The following RPE variants were observed in gnomAD, a reference collection of about 807,000 sequenced individuals.
RPE encodes the protein ribulose-5-phosphate-3-epimerase, also known as ribulose-phosphate 3-epimerase.
RPE carries 16 observed loss-of-function variants against 24.6 expected under a neutral mutation model. The ratio of observed to expected loss-of-function variants is 0.65; its 90% CI spans 0.44 to 0.99. The LOEUF is 0.99. Among genes scored for constraint, RPE ranks in the 50% least tolerant of loss-of-function variants. RPE has a pLI of 0.00. For synonymous variants in RPE, 93 were observed against 98.4 expected (o/e 0.94, Z 0.33); for missense variants, 240 against 294.5 (o/e 0.81, Z 1.35).
chr2:210,018,075 T>G, intron 5 of RPE: 2 of 1,387,732 alleles, frequency 1.4e-6, no homozygotes, highest in Non-Finnish European at 1.9e-6. Context: ...TCACATAAAT[T>G]GTTAAAATTG....
rs370112971 is a variant in RPE, at chr2:210,002,697, C to T, written c.36C>T (p.Leu12=). 227 of 1,614,092 alleles carry T rather than the reference C, an allele frequency of 1.4e-4. No homozygotes were observed. Among genetic ancestry groups the T allele is most frequent in the Middle Eastern group, 4.9e-4 (3 of 6,084 alleles). ...ASGCKIGPSI[L]NSDLANLGAE... is the part of the protein sequence containing the mutation. ...GCTGCAAGATTGGCCCGTCCATCCT[C>T]AACAGCGACCTGGCCAATTTAGGGG... Residue 12 remains leucine (L), a synonymous_variant, in exon 1 of 6, where the codon CTC becomes CTT. Transcript: ENST00000359429.
At position 210,020,613 on chromosome 2, in the gene RPE, G is replaced by C. The variant is rs187123450; in HGVS notation, c.*822G>C. On this transcript the variant is annotated 3_prime_UTR_variant, in exon 6 of 6. Transcript: ENST00000359429. Reference sequence around the variant, plus strand: ...GTAATTATAGCAACTGTGGGGTTCTGTTGAGAATTAAGAGCTAACACTATA... The same window carrying C: ...GTAATTATAGCAACTGTGGGGTTCTCTTGAGAATTAAGAGCTAACACTATA... The C allele has an allele frequency of 2.4e-5, 4 of 166,882 alleles. No individual in the cohort carries two copies. The South Asian group carries it at 6.2e-4, about 26-fold the overall frequency. 10.3% of individuals were successfully genotyped at this position (166,882 alleles called of 1,614,324 possible). A position where few individuals can be genotyped will look rare whatever the true frequency, so the allele number is the denominator to read the frequency against.
intron 1 of RPE, among the ~76,000 whole-genome samples, chr2:210,003,850 C>T (rs1199689561): frequency 1.3e-5 from 2 of 152,036 alleles, no homozygotes; most frequent in African/African-American, 4.8e-5. Flanking sequence ...TCTTCCATTG[C>T]TCTATGTGGT....
At position 210,019,803 on chromosome 2, in the gene RPE, G is replaced by C. The variant is rs760155889; in HGVS notation, c.*12G>C. ...CTCTTGATCGGTGAAACCATAAGGA[G>C]CCCAGTGTTCCTGTTCATGAAATCT... On this transcript the variant is annotated 3_prime_UTR_variant, in exon 6 of 6. Coordinates refer to ENST00000359429, the MANE Select transcript of RPE (RefSeq NM_199229.3). 3 of 1,609,148 alleles carry C rather than the reference G, an allele frequency of 1.9e-6. No individual in the cohort carries two copies. Among genetic ancestry groups the C allele is most frequent in the Middle Eastern group, 1.7e-4 (1 of 6,060 alleles).
At chr2:210,003,542 G>A in intron 1 of RPE, 1 of 938,664 alleles carries the variant, frequency 1.1e-6, no homozygotes, top group Non-Finnish European at 1.5e-6. Context: ...TCTGAAGTTG[G>A]TTACAGAATG....
chr2:210,017,617 C>T, intron 5 of RPE, 58 bp downstream of exon 5: 1 of 1,488,948 alleles, frequency 6.7e-7, no homozygotes. Context: ...GTCTCCAGGA[C>T]ATTGTCTCAT....
At chr2:210,005,153 GTC>G in intron 1 of RPE, among the ~76,000 whole-genome samples, 1 of 152,244 alleles carries the variant, frequency 6.6e-6, no homozygotes, top group Non-Finnish European at 1.5e-5. Context: ...GTGCTGTGGT[GTC>G]TACTAGGCTA....
intron 1 of RPE, among the ~76,000 whole-genome samples, chr2:210,005,712 C>A (rs1373672266): frequency 6.6e-6 from 1 of 152,056 alleles, no homozygotes; most frequent in Non-Finnish European, 1.5e-5. Context: ...CTGACAGGGG[C>A]AGCCTCACCT....
rs376308620 is a variant in RPE, at chr2:210,016,137, T to C, written c.342+25T>C. On this transcript the variant is annotated intron_variant, in intron 3 of 5. Transcript: ENST00000359429. Reference sequence around the variant, plus strand: ...GGTAAGAAATCGTGATGAGAGTGTTTTGTAACATTCACTCTCAGTTGGGAA... The same window carrying C: ...GGTAAGAAATCGTGATGAGAGTGTTCTGTAACATTCACTCTCAGTTGGGAA... 20 of 1,614,032 alleles carry C rather than the reference T, an allele frequency of 1.2e-5. No homozygotes were observed. In the African/African-American group the frequency reaches 2.1e-4, roughly 17 times the overall value.
In RPE at chr2:210,015,947, T is replaced by C. The variant is rs141252478; in HGVS notation, c.203-26T>C. The C allele has an allele frequency of 1.7e-4, 275 of 1,606,488 alleles. No individual in the cohort carries two copies. The African/African-American group carries it at 3.4e-3, about 20-fold the overall frequency. On this transcript the variant is annotated intron_variant, in intron 2 of 5. Transcript: ENST00000359429. ...ACATGAGCCAGGTATTTTTCAGTAA[T>C]ATTTTGAAGTGTCTTTTCTTTCTAG... is the stretch of plus-strand genomic sequence containing the variant.
Position 210,020,005 on chromosome 2 carries a change from A to G in RPE, c.*214A>G. 2 of 439,178 alleles carry G rather than the reference A, an allele frequency of 4.6e-6. No individual in the cohort carries two copies. The highest frequency in any genetic ancestry group is 9.4e-5 in the South Asian group (2 of 21,306). 27.2% of individuals were successfully genotyped at this position (439,178 alleles called of 1,614,324 possible). On this transcript the variant is annotated 3_prime_UTR_variant, in exon 6 of 6. Transcript: ENST00000359429. ...TAGTGATGCAATTTATTGATTAGTGAGTAAGATACTGTTTTTATTGAGAGA... is the reference window on the plus strand; with the variant it reads ...TAGTGATGCAATTTATTGATTAGTGGGTAAGATACTGTTTTTATTGAGAGA...
intron 2 of RPE, among the ~76,000 whole-genome samples, chr2:210,014,935 A>G (rs762258327): frequency 4.6e-5 from 7 of 152,180 alleles, no homozygotes; most frequent in Admixed American, 1.3e-4. Context: ...TCTCCTTCTT[A>G]TGAAATGCTA....
At position 210,019,708 on chromosome 2, in the gene RPE, AG is replaced by A. The variant is rs2093832825; in HGVS notation, c.606del (p.Ser203ValfsTer7). On this transcript the variant is annotated frameshift_variant, in exon 6 of 6. Transcript: ENST00000359429. LOFTEE classifies it high-confidence loss of function. Reference protein sequence around the residue: ...NMIVSGSAIMRSEDPRSVINL... With the variant: ...NMIVSGSAIMXSEDPRSVINL... ...GATTGTGTCTGGCAGTGCTATTATG[AG>A]GAGTGAAGACCCCAGATCTGTGATC... 6.2e-7 allele frequency: 1 copy of A among 1,613,398 alleles called. No homozygotes were observed. The highest frequency in any genetic ancestry group is 1.3e-5 in the African/African-American group (1 of 74,904).
chr2:210,010,360 A>G (rs2093683763), intron 2 of RPE, among the ~76,000 whole-genome samples: 1 of 152,228 alleles, frequency 6.6e-6, no homozygotes, highest in Non-Finnish European at 1.5e-5. Context: ...TAAGTTAGCA[A>G]TGTCTCACCT....
chr2:210,014,652 A>G (rs576344808), intron 2 of RPE, among the ~76,000 whole-genome samples: 4 of 151,980 alleles, frequency 2.6e-5, no homozygotes, highest in African/African-American at 9.6e-5. Flanking sequence ...TTCTCATACA[A>G]TTACTTTTGC....
chr2:210,017,733 C>CTTTGTTTTTT, intron 5 of RPE, 174 bp downstream of exon 5: 1 of 296,438 alleles, frequency 3.4e-6, no homozygotes, highest in Non-Finnish European at 6.0e-6. Context: ...AGTGGATATG[C>CTTTGTTTTTT]TTTTTTTTTT....
At chr2:210,008,336 C>T (rs2093657619) in intron 1 of RPE, among the ~76,000 whole-genome samples, 1 of 140,756 alleles carries the variant, frequency 7.1e-6, no homozygotes, top group Non-Finnish European at 1.5e-5. Flanking sequence ...TGCTCTGTTG[C>T]CCAGGCTGGA....
At chr2:210,005,033 T>C (rs1410165680) in intron 1 of RPE, among the ~76,000 whole-genome samples, 1 of 152,248 alleles carries the variant, frequency 6.6e-6, no homozygotes. Context: ...GCTGTTTCTA[T>C]TCCCCTTTTG....
At chr2:210,005,919 T>TA (rs1250372831) in intron 1 of RPE, among the ~76,000 whole-genome samples, 1 of 152,198 alleles carries the variant, frequency 6.6e-6, no homozygotes, top group Non-Finnish European at 1.5e-5. Context: ...GGAGATAGGG[T>TA]AAATGGCTTG....
Sources: gnomAD v4.1 joint callset for allele counts (sites outside exome capture counted in the v4.1 genomes callset) on GRCh38, gnomAD v4.1.1 for gene constraint, MANE v1.5 for transcripts, NCBI Gene and HGNC (gene_info 2026-07-23, HGNC 2026-07-21) for gene names.